The following DENND1A variants were observed in gnomAD, a reference collection of about 807,000 sequenced individuals.
DENND1A encodes the protein DENN domain containing 1A.
A neutral mutation model predicts 113.7 loss-of-function variants in DENND1A; 51 were observed. That is an observed-to-expected ratio of 0.45 (90% CI 0.36 to 0.57). The LOEUF is 0.57. Among genes scored for constraint, DENND1A ranks in the 20% least tolerant of loss-of-function variants. DENND1A has a pLI of 0.00. For synonymous variants in DENND1A, 565 were observed against 570.8 expected, an observed-to-expected ratio of 0.99 and a Z score of 0.14; for missense variants, 1,258 against 1,395.9, an observed-to-expected ratio of 0.90 and a Z score of 1.57.
intron 13 of DENND1A, among the ~76,000 whole-genome samples, chr9:123,538,749 AGT>A (rs145062895): frequency 0.029 from 2,660 of 90,878 alleles, 70 homozygotes; most frequent in African/African-American, 0.068. Flanking sequence ...TATGTGTGTG[AGT>A]GTGTGTGTGT....
intron 1 of DENND1A, among the ~76,000 whole-genome samples, chr9:123,897,296 A>G (rs1309106804): frequency 1.3e-5 from 2 of 152,210 alleles, no homozygotes; most frequent in African/African-American, 2.4e-5. Flanking sequence ...CATAGACTCA[A>G]GGCAGCCCAA....
chr9:123,846,660 G>A (rs1160980424), intron 2 of DENND1A, among the ~76,000 whole-genome samples: 1 of 152,200 alleles, frequency 6.6e-6, no homozygotes, highest in African/African-American at 2.4e-5. Flanking sequence ...AATTCATAGA[G>A]ACAGAAAATA....
intron 1 of DENND1A, among the ~76,000 whole-genome samples, chr9:123,890,894 TGTAA>T (rs1849805969): frequency 6.6e-6 from 1 of 152,176 alleles, no homozygotes; most frequent in Non-Finnish European, 1.5e-5. Flanking sequence ...ATGCACTCAT[TGTAA>T]GTGTCTAGTT....
chr9:123,834,566 C>T (rs1317610656), intron 2 of DENND1A, among the ~76,000 whole-genome samples: 1 of 152,118 alleles, frequency 6.6e-6, no homozygotes, highest in Non-Finnish European at 1.5e-5. Flanking sequence ...GCAGAGAACA[C>T]GTATATATAT....
At position 123,759,903 on chromosome 9, in the gene DENND1A, T is replaced by G. The variant is rs1306379259; in HGVS notation, c.183-2081A>C. The G allele has an allele frequency of 2.0e-5, 3 of 152,224 alleles. No homozygotes were observed. The East Asian group carries it at 5.8e-4, about 29-fold the overall frequency. The allele number at this position is 152,224 out of a possible 1,614,324, so 9.4% of individuals were successfully genotyped here. ...ATGCTTAGATCCCATAAAGCTAAATTTCGCATTCAAGGGAAATCCTTTGAA... is the reference window on the plus strand; with the variant it reads ...ATGCTTAGATCCCATAAAGCTAAATGTCGCATTCAAGGGAAATCCTTTGAA... On this transcript the variant is annotated intron_variant, in intron 4 of 23. Transcript: ENST00000394215.
At chr9:123,609,415 G>A in intron 11 of DENND1A, 21 bp downstream of exon 11, 6 of 1,612,916 alleles carry the variant, frequency 3.7e-6, no homozygotes, top group Non-Finnish European at 5.1e-6. Context: ...AGCCATCTGG[G>A]GAGGAAAGAA....
chr9:123,834,635 A>G (rs1400096040), intron 2 of DENND1A, among the ~76,000 whole-genome samples: 1 of 152,232 alleles, frequency 6.6e-6, no homozygotes, highest in Non-Finnish European at 1.5e-5. Context: ...CACACGTCAT[A>G]AGCCCTGTAT....
intron 5 of DENND1A, among the ~76,000 whole-genome samples, chr9:123,690,682 C>T (rs1022138936): frequency 1.3e-5 from 2 of 150,920 alleles, no homozygotes; most frequent in Non-Finnish European, 3.0e-5. Context: ...CCTTTTCTTT[C>T]TTTAAAAAAC....
chr9:123,922,773 A>G (rs1856485418), intron 1 of DENND1A, among the ~76,000 whole-genome samples: 1 of 152,228 alleles, frequency 6.6e-6, no homozygotes, highest in Admixed American at 6.5e-5. Flanking sequence ...ACTGATTTGT[A>G]CATAACAGTA....
intron 12 of DENND1A, among the ~76,000 whole-genome samples, chr9:123,562,376 A>G (rs1164245614): frequency 6.6e-6 from 1 of 152,072 alleles, no homozygotes; most frequent in African/African-American, 2.4e-5. Context: ...GTCTCCATCA[A>G]TGGGGGCCTC....
chr9:123,899,045 G>A (rs772958432), intron 1 of DENND1A, among the ~76,000 whole-genome samples: 3 of 152,094 alleles, frequency 2.0e-5, no homozygotes, highest in African/African-American at 4.8e-5. Context: ...TCTATTCCCC[G>A]AGGCTCAAAT....
chr9:123,926,610 G>A (rs1188133059), intron 1 of DENND1A, among the ~76,000 whole-genome samples: 2 of 148,952 alleles, frequency 1.3e-5, no homozygotes, highest in Admixed American at 6.7e-5. Context: ...CTAGTAAAAG[G>A]CCTGCGTAAA....
chr9:123,843,359 G>T, intron 2 of DENND1A: 3 of 332,366 alleles, frequency 9.0e-6, no homozygotes, highest in Non-Finnish European at 1.8e-5. Flanking sequence ...AGTTGGTGTT[G>T]GAAACATTTT....
rs933635853 is a variant in DENND1A at position 123,422,003 on chromosome 9, G to A, written c.1489-10174C>T. Among the ~76,000 whole-genome samples, 1 of 152,048 alleles carries A rather than the reference G, an allele frequency of 6.6e-6. No individual in the cohort carries two copies. Among genetic ancestry groups the A allele is most frequent in the Admixed American group, 6.6e-5 (1 of 15,264 alleles). On this transcript the variant is annotated intron_variant, in intron 19 of 23. Coordinates refer to ENST00000394215, the MANE Select transcript of DENND1A (RefSeq NM_001352964.2). This position sits in a 1 kb window ranked among gnomAD's most constrained non-coding sequence, Gnocchi z 4.8. Reference sequence around the variant, plus strand: ...CCTTCCCTCACTCACCCACCTGATGGATCCCTGCATCCCTCACGACTCTGT... The same window carrying A: ...CCTTCCCTCACTCACCCACCTGATGAATCCCTGCATCCCTCACGACTCTGT...
chr9:123,807,746 G>C (rs1835838874), intron 2 of DENND1A, among the ~76,000 whole-genome samples: 1 of 152,188 alleles, frequency 6.6e-6, no homozygotes, highest in South Asian at 2.1e-4. Flanking sequence ...TTCATGGAAT[G>C]CCTATTCTGT....
At chr9:123,761,112 C>T (rs1012575004) in intron 4 of DENND1A, among the ~76,000 whole-genome samples, 2 of 152,172 alleles carry the variant, frequency 1.3e-5, no homozygotes, top group Non-Finnish European at 1.5e-5. Context: ...CATTAATTTC[C>T]TACTCTCTTT....
intron 16 of DENND1A, among the ~76,000 whole-genome samples, chr9:123,452,988 C>G (rs2047846959): frequency 6.6e-6 from 1 of 152,208 alleles, no homozygotes; most frequent in Non-Finnish European, 1.5e-5. Flanking sequence ...TTCTCGCTCA[C>G]TTTCTTTAGG....
chr9:123,475,474 AC>A (rs2049830984), intron 13 of DENND1A, among the ~76,000 whole-genome samples: 1 of 152,258 alleles, frequency 6.6e-6, no homozygotes, highest in South Asian at 2.1e-4. Context: ...GGTAGATGCC[AC>A]ACTGTGTCGA....
chr9:123,632,744 G>C (rs1357471255), intron 9 of DENND1A, among the ~76,000 whole-genome samples: 1 of 152,046 alleles, frequency 6.6e-6, no homozygotes, highest in African/African-American at 2.4e-5. Context: ...ACATCACTTA[G>C]ATAGAGTCAT....
Sources: gnomAD v4.1 joint callset for allele counts (sites outside exome capture counted in the v4.1 genomes callset) on GRCh38, gnomAD v4.1.1 for gene constraint, Gnocchi (gnomAD v3.1) non-coding constraint, MANE v1.5 for transcripts, NCBI Gene and HGNC (gene_info 2026-07-23, HGNC 2026-07-21) for gene names.